MRPL48: variants seen among roughly 807,000 people sequenced by gnomAD.
MRPL48 encodes the protein large ribosomal subunit protein mL48.
MRPL48 carries 16 observed loss-of-function variants against 32.9 expected under a neutral mutation model. The ratio of observed to expected loss-of-function variants is 0.49; its 90% CI spans 0.33 to 0.74. The LOEUF (loss-of-function observed/expected upper bound fraction) is 0.74. Among genes scored for constraint, MRPL48 ranks in the 30% least tolerant of loss-of-function variants. MRPL48 has a pLI of 0.02. For missense variants in MRPL48, 206 were observed against 245.3 expected, an observed-to-expected ratio of 0.84 and a Z score of 1.07; for synonymous variants, 94 against 89.2, an observed-to-expected ratio of 1.05 and a Z score of -0.31.
intron 3 of MRPL48, among the ~76,000 whole-genome samples, chr11:73,815,969 TCCTGCCTTGG>T (rs1401744608): frequency 6.6e-6 from 1 of 151,822 alleles, no homozygotes; most frequent in Non-Finnish European, 1.5e-5. Context: ...TAAGCAATCC[TCCTGCCTTGG>T]CCTCTCAAAG....
chr11:73,836,297 C>T (rs974032023), intron 4 of MRPL48, among the ~76,000 whole-genome samples: 4 of 151,918 alleles, frequency 2.6e-5, no homozygotes, highest in East Asian at 1.9e-4. Context: ...TGGGTTCAAG[C>T]GATTCTCCCT....
intron 4 of MRPL48, chr11:73,832,350 A>G (rs1041410303): frequency 6.6e-6 from 1 of 152,250 alleles, no homozygotes; most frequent in Admixed American, 6.5e-5. Flanking sequence ...TGTAGCACCC[A>G]TAATAGATCA....
chr11:73,816,848 C>T (rs1414389751), intron 3 of MRPL48, among the ~76,000 whole-genome samples: 4 of 148,410 alleles, frequency 2.7e-5, no homozygotes, highest in Non-Finnish European at 4.5e-5. Context: ...TTTTTTGAGA[C>T]GGAGTCTCAC....
chr11:73,845,005 T>A, intron 5 of MRPL48, 29 bp downstream of exon 5: 1 of 1,590,660 alleles, frequency 6.3e-7, no homozygotes, highest in South Asian at 1.1e-5. Context: ...TATGGGATGT[T>A]CTTGGTGTGG....
chr11:73,857,340 CA>C (rs1948500295), intron 5 of MRPL48, among the ~76,000 whole-genome samples: 1 of 152,046 alleles, frequency 6.6e-6, no homozygotes, highest in Admixed American at 6.6e-5. Context: ...CCATGTTAGC[CA>C]GGCTGGTCTC....
Position 73,858,304 on chromosome 11 carries a change from G to C in MRPL48, c.372-1603G>C, listed in dbSNP as rs571594029. ...TCTTGCATTTACTGACCTTATGCCAGGCAATTACTTATGTAATCTCATTTA... is the reference window on the plus strand; with the variant it reads ...TCTTGCATTTACTGACCTTATGCCACGCAATTACTTATGTAATCTCATTTA... On this transcript the variant is annotated intron_variant, in intron 5 of 7. Coordinates refer to ENST00000310614, the MANE Select transcript of MRPL48 (RefSeq NM_016055.6). 4.7e-4 allele frequency among the ~76,000 whole-genome samples: 71 copies of C among 152,292 alleles called. 1 individual carries two copies. The highest frequency in any genetic ancestry group is 1.7e-3 in the African/African-American group (69 of 41,558).
chr11:73,814,156 G>A (rs1947617098), intron 3 of MRPL48, among the ~76,000 whole-genome samples: 3 of 151,866 alleles, frequency 2.0e-5, no homozygotes, highest in Admixed American at 2.0e-4. Context: ...ACTTTGGGAG[G>A]TTGAGGGGAA....
intron 4 of MRPL48, among the ~76,000 whole-genome samples, chr11:73,829,823 G>A (rs2135020521): frequency 6.6e-6 from 1 of 152,292 alleles, no homozygotes; most frequent in African/African-American, 2.4e-5. Flanking sequence ...GGAATGCAGT[G>A]GTGCAATCTC....
At chr11:73,812,738 A>ATTTATT (rs1555078897) in intron 3 of MRPL48, among the ~76,000 whole-genome samples, 19 of 142,058 alleles carry the variant, frequency 1.3e-4, no homozygotes, top group African/African-American at 3.4e-4. Flanking sequence ...ATATATATAT[A>ATTTATT]TATTTATTTA....
intron 6 of MRPL48, among the ~76,000 whole-genome samples, chr11:73,860,728 TATC>T (rs1948572234): frequency 6.6e-6 from 1 of 152,206 alleles, no homozygotes; most frequent in Non-Finnish European, 1.5e-5. Context: ...ATAATGGACA[TATC>T]ATACAATTTA....
At chr11:73,809,601 A>G (rs530052765) in intron 3 of MRPL48, among the ~76,000 whole-genome samples, 5 of 152,256 alleles carry the variant, frequency 3.3e-5, no homozygotes, top group Admixed American at 2.6e-4. Context: ...TTGTATGTCC[A>G]TCATCAGGCT....
chr11:73,791,459 C>T (rs1265222272), intron 1 of MRPL48, among the ~76,000 whole-genome samples: 9 of 151,930 alleles, frequency 5.9e-5, no homozygotes, highest in Admixed American at 5.9e-4. Flanking sequence ...CTCTGTCACC[C>T]AGGCAGCAGT....
intron 5 of MRPL48, among the ~76,000 whole-genome samples, chr11:73,846,750 T>C (rs1948298939): frequency 6.6e-6 from 1 of 151,754 alleles, no homozygotes; most frequent in Admixed American, 6.6e-5. Context: ...CCACCCAGGC[T>C]GGTATGCAGT....
chr11:73,859,486 G>T (rs545596680), intron 5 of MRPL48, among the ~76,000 whole-genome samples: 2 of 151,872 alleles, frequency 1.3e-5, no homozygotes, highest in Non-Finnish European at 2.9e-5. Flanking sequence ...TTACTGTGTT[G>T]CCCAGGCTGG....
At chr11:73,860,573 T>TG (rs1406053954) in intron 6 of MRPL48, 44 of 152,252 alleles carry the variant, frequency 2.9e-4, no homozygotes, top group Admixed American at 2.9e-3. Flanking sequence ...TGCCTTCCTT[T>TG]GATCTCTAGC....
intron 1 of MRPL48, among the ~76,000 whole-genome samples, chr11:73,793,368 G>A (rs563627728): frequency 6.6e-6 from 1 of 152,264 alleles, no homozygotes; most frequent in African/African-American, 2.4e-5. Context: ...ACCTGGCCAT[G>A]GTGCTTATTA....
chr11:73,831,509 A>C (rs547085046), intron 4 of MRPL48, among the ~76,000 whole-genome samples: 188 of 152,164 alleles, frequency 1.2e-3, no homozygotes, highest in Middle Eastern at 3.4e-3. Context: ...TGTGGCAGTG[A>C]GTGATCATAT....
intron 1 of MRPL48, among the ~76,000 whole-genome samples, chr11:73,796,393 G>A (rs554036053): frequency 2.6e-5 from 4 of 152,240 alleles, no homozygotes; most frequent in South Asian, 4.1e-4. Flanking sequence ...AGGTACTGTC[G>A]CAGCCTGGCC....
intron 5 of MRPL48, among the ~76,000 whole-genome samples, chr11:73,847,533 C>T (rs113574430): frequency 0.018 from 2,708 of 152,024 alleles, 70 homozygotes; most frequent in African/African-American, 0.062. Flanking sequence ...CTCTGCCTCT[C>T]GGGTTCACGC....
Sources: allele counts gnomAD v4.1 joint callset (sites outside exome capture counted in the v4.1 genomes callset), GRCh38; gene constraint gnomAD v4.1.1; transcripts MANE v1.5; gene names NCBI Gene and HGNC (gene_info 2026-07-23, HGNC 2026-07-21).